PRKG1: variants seen among roughly 807,000 people sequenced by gnomAD.
PRKG1 encodes the protein protein kinase cGMP-dependent 1.
Under a neutral mutation model 88.1 loss-of-function variants are expected in PRKG1, and 35 were observed. The ratio of observed to expected loss-of-function variants is 0.40; its 90% CI spans 0.30 to 0.53. The LOEUF is 0.53. PRKG1 is among the 20% of genes least tolerant of loss of function. PRKG1 has a pLI of 0.59. For missense variants in PRKG1, 540 were observed against 839.8 expected (o/e 0.64, Z 4.41); for synonymous variants, 303 against 292.5 (o/e 1.04, Z -0.37).
At chr10:51,743,647 T>A (rs1340554284) in intron 3 of PRKG1, among the ~76,000 whole-genome samples, 1 of 138,928 alleles carries the variant, frequency 7.2e-6, no homozygotes, top group African/African-American at 2.6e-5. Context: ...TATATATATA[T>A]AATATAAACT....
chr10:51,076,498 AT>A (rs1469832897), intron 1 of PRKG1, among the ~76,000 whole-genome samples: 1 of 152,224 alleles, frequency 6.6e-6, no homozygotes, highest in African/African-American at 2.4e-5. Context: ...ATCTTTAAAC[AT>A]TTCATAGGAT....
chr10:51,469,077 A>G (rs1236421205), intron 3 of PRKG1, among the ~76,000 whole-genome samples: 1 of 151,792 alleles, frequency 6.6e-6, no homozygotes, highest in Non-Finnish European at 1.5e-5. Flanking sequence ...GTGATCATTC[A>G]ATTACATAGC....
intron 3 of PRKG1, among the ~76,000 whole-genome samples, chr10:51,673,792 CTT>C (rs1469042116): frequency 6.6e-6 from 1 of 152,154 alleles, no homozygotes; most frequent in East Asian, 1.9e-4. Context: ...TGAGAATAGA[CTT>C]TTTAACATCT....
intron 2 of PRKG1, among the ~76,000 whole-genome samples, chr10:51,392,613 T>C (rs965624828): frequency 2.0e-5 from 3 of 151,400 alleles, no homozygotes; most frequent in Non-Finnish European, 3.0e-5. Context: ...AAACCGCCAT[T>C]GTCATCATGG....
At chr10:52,201,120 T>A (rs1293425709) in intron 9 of PRKG1, among the ~76,000 whole-genome samples, 2 of 152,192 alleles carry the variant, frequency 1.3e-5, no homozygotes, top group Non-Finnish European at 2.9e-5. Context: ...CGTTATGAAA[T>A]CTTTGCCAGT....
At chr10:52,291,987 A>C (rs1842259621) in intron 17 of PRKG1, among the ~76,000 whole-genome samples, 1 of 152,064 alleles carries the variant, frequency 6.6e-6, no homozygotes, top group Non-Finnish European at 1.5e-5. Context: ...GTTGATTTGC[A>C]TTTCTCTGAT....
intron 3 of PRKG1, among the ~76,000 whole-genome samples, chr10:51,750,901 G>C (rs552386379): frequency 6.8e-6 from 1 of 147,994 alleles, no homozygotes; most frequent in South Asian, 2.1e-4. Context: ...AAAAAAAAAA[G>C]TTCAAAGAAA....
chr10:51,497,342 A>G (rs2132884513), intron 3 of PRKG1, among the ~76,000 whole-genome samples: 1 of 152,294 alleles, frequency 6.6e-6, no homozygotes, highest in South Asian at 2.1e-4. Flanking sequence ...CATTTGATAA[A>G]CACTAATTGA....
At chr10:51,632,246 A>G (rs1839545645) in intron 3 of PRKG1, among the ~76,000 whole-genome samples, 2 of 152,200 alleles carry the variant, frequency 1.3e-5, no homozygotes, top group South Asian at 4.1e-4. Context: ...GAAAACAGTA[A>G]AGAAAGAGTT....
intron 4 of PRKG1, among the ~76,000 whole-genome samples, chr10:51,879,125 T>C (rs1488215658): frequency 7.4e-6 from 1 of 135,642 alleles, no homozygotes; most frequent in Non-Finnish European, 1.7e-5. Flanking sequence ...TATTTGCTTG[T>C]AAATATCAAT....
chr10:52,288,906 A>C, intron 15 of PRKG1, 25 bp from the exon 16 acceptor site: 5 of 1,598,520 alleles, frequency 3.1e-6, no homozygotes, highest in Non-Finnish European at 4.3e-6. Context: ...AATTAGATTT[A>C]ATAAAACCAT....
rs199883309 is a variant in PRKG1 at position 51,635,477 on chromosome 10, A to AT, written c.592+167649dup. On this transcript the variant is annotated intron_variant, in intron 3 of 17. Coordinates refer to ENST00000373980, the MANE Select transcript of PRKG1 (RefSeq NM_006258.4). ...AAAGAGAAAGTACAGGATTAAATAA[A>AT]TTTTTTTTCTTCCCAAAATGCCCGT... Among the ~76,000 whole-genome samples the AT allele has an allele frequency of 7.6e-3, 1,154 of 152,050 alleles. 27 individuals carry two copies. The highest frequency in any genetic ancestry group is 0.051 in the Admixed American group (780 of 15,250).
At chr10:51,256,311 T>C (rs986828043) in intron 2 of PRKG1, among the ~76,000 whole-genome samples, 2 of 152,140 alleles carry the variant, frequency 1.3e-5, no homozygotes, top group Non-Finnish European at 2.9e-5. Flanking sequence ...TTTTTAGTAC[T>C]CAACAAAAGA....
chr10:51,116,301 A>G (rs1845122342), intron 1 of PRKG1, among the ~76,000 whole-genome samples: 2 of 152,156 alleles, frequency 1.3e-5, no homozygotes, highest in South Asian at 4.1e-4. Context: ...AAGAAGAGAA[A>G]CAAAACAGAG....
chr10:52,009,754 C>G (rs10762521), intron 5 of PRKG1, among the ~76,000 whole-genome samples: 60,964 of 151,920 alleles, frequency 0.4, 12,512 homozygotes, highest in East Asian at 0.65. Context: ...GGAGGCATAA[C>G]ATACTCAACT....
intron 2 of PRKG1, among the ~76,000 whole-genome samples, chr10:51,275,524 G>A (rs1431030997): frequency 2.0e-5 from 3 of 152,154 alleles, no homozygotes; most frequent in Non-Finnish European, 4.4e-5. Flanking sequence ...GGTAAGTCAA[G>A]TTTGAAAGTG....
chr10:52,122,021 A>G (rs1306311904), intron 7 of PRKG1, among the ~76,000 whole-genome samples: 1 of 152,204 alleles, frequency 6.6e-6, no homozygotes, highest in East Asian at 1.9e-4. Flanking sequence ...TGCAGCTATA[A>G]CAGAATACCC....
intron 2 of PRKG1, among the ~76,000 whole-genome samples, chr10:51,302,284 G>C (rs534426641): frequency 1.2e-4 from 19 of 152,198 alleles, no homozygotes; most frequent in African/African-American, 4.6e-4. Flanking sequence ...ACATCTACTT[G>C]ACAAACATTT....
At chr10:51,509,118 G>A (rs1207337749) in intron 3 of PRKG1, among the ~76,000 whole-genome samples, 1 of 152,044 alleles carries the variant, frequency 6.6e-6, no homozygotes, top group East Asian at 1.9e-4. Flanking sequence ...TAACAACATT[G>A]TAATGATTTG....
Sources: gnomAD v4.1 joint callset for allele counts (sites outside exome capture counted in the v4.1 genomes callset) on GRCh38, gnomAD v4.1.1 for gene constraint, MANE v1.5 for transcripts, NCBI Gene and HGNC (gene_info 2026-07-23, HGNC 2026-07-21) for gene names.